BMP2K: variants seen among roughly 807,000 people sequenced by gnomAD.
BMP2K encodes the protein BMP2 inducible kinase.
A neutral mutation model predicts 116.0 loss-of-function variants in BMP2K; 74 were observed. The ratio of observed to expected loss-of-function variants is 0.64; its 90% CI spans 0.53 to 0.77. The LOEUF is 0.77. Among genes scored for constraint, BMP2K ranks in the 30% least tolerant of loss-of-function variants. The pLI is 0.00. For synonymous variants in BMP2K, 486 were observed against 502.5 expected, an observed-to-expected ratio of 0.97 and a Z score of 0.44; for missense variants, 1,365 against 1,403.6, an observed-to-expected ratio of 0.97 and a Z score of 0.44.
At chr4:78,789,596 A>T (rs1235900526) in intron 1 of BMP2K, among the ~76,000 whole-genome samples, 2 of 152,146 alleles carry the variant, frequency 1.3e-5, no homozygotes, top group African/African-American at 4.8e-5. Context: ...TTGAATTTCA[A>T]AGTTAAAGCT....
chr4:78,800,409 ACT>A (rs1394668482), intron 1 of BMP2K, among the ~76,000 whole-genome samples: 1 of 152,134 alleles, frequency 6.6e-6, no homozygotes, highest in African/African-American at 2.4e-5. Context: ...CATATGGCAC[ACT>A]CTCTATCTTC....
At chr4:78,842,834 A>C (rs1730824169) in intron 4 of BMP2K, among the ~76,000 whole-genome samples, 1 of 151,980 alleles carries the variant, frequency 6.6e-6, no homozygotes, top group African/African-American at 2.4e-5. Flanking sequence ...CATATGTTAA[A>C]TGTCTCTCCA....
intron 15 of BMP2K, among the ~76,000 whole-genome samples, chr4:78,888,331 A>G (rs1317946044): frequency 6.6e-6 from 1 of 152,190 alleles, no homozygotes; most frequent in African/African-American, 2.4e-5. Flanking sequence ...TTCTGCATAA[A>G]TGTGTTCCCT....
rs1411481964 is a variant in BMP2K at position 78,778,168 on chromosome 4, T to TA, written c.178+1448dup. Among the ~76,000 whole-genome samples, 4 of 152,216 alleles carry TA rather than the reference T, an allele frequency of 2.6e-5. No homozygotes were observed. The East Asian group carries it at 7.7e-4, about 29-fold the overall frequency. ...AATTGAAATGTAGCTTGAGTAGTGT[T>TA]ACACTCACTCATTCCACTAAATCCC... On this transcript the variant is annotated intron_variant, in intron 1 of 15. Transcript: ENST00000502613.
At chr4:78,839,406 A>G (rs764908517) in intron 3 of BMP2K, among the ~76,000 whole-genome samples, 1 of 152,186 alleles carries the variant, frequency 6.6e-6, no homozygotes, top group Non-Finnish European at 1.5e-5. Flanking sequence ...CTGTTGGCCA[A>G]AGAAAATCAC....
At chr4:78,820,336 T>A (rs931313795) in intron 1 of BMP2K, among the ~76,000 whole-genome samples, 1 of 152,188 alleles carries the variant, frequency 6.6e-6, no homozygotes, top group Non-Finnish European at 1.5e-5. Context: ...TGGTAACTTT[T>A]AGGGTTTTCT....
intron 13 of BMP2K, among the ~76,000 whole-genome samples, chr4:78,873,680 G>C (rs948538551): frequency 1.7e-4 from 22 of 132,706 alleles, no homozygotes; most frequent in African/African-American, 8.9e-4. Context: ...GTGTGTGTGT[G>C]TGTGTGTGTG....
intron 13 of BMP2K, among the ~76,000 whole-genome samples, chr4:78,873,690 G>A (rs1732487917): frequency 2.0e-5 from 3 of 147,004 alleles, no homozygotes; most frequent in South Asian, 4.2e-4. Context: ...GTGTGTGTGT[G>A]TGTGTGTGTG....
intron 15 of BMP2K, among the ~76,000 whole-genome samples, chr4:78,887,622 T>C (rs1733168727): frequency 6.6e-6 from 1 of 152,210 alleles, no homozygotes; most frequent in African/African-American, 2.4e-5. Flanking sequence ...TTGTACATGC[T>C]CTCTTGTAGA....
chr4:78,905,485 G>A (rs1734238783), intron 15 of BMP2K, among the ~76,000 whole-genome samples: 2 of 151,894 alleles, frequency 1.3e-5, no homozygotes, highest in African/African-American at 4.8e-5. Context: ...ATGTAAATGA[G>A]TTATGATTCT....
chr4:78,797,306 GA>G (rs1348607522), intron 1 of BMP2K, among the ~76,000 whole-genome samples: 2 of 151,960 alleles, frequency 1.3e-5, no homozygotes, highest in Admixed American at 1.3e-4. Flanking sequence ...TAAAAGAAAG[GA>G]AAAAAACTTA....
At chr4:78,828,269 T>C (rs1729974661) in intron 2 of BMP2K, among the ~76,000 whole-genome samples, 1 of 152,182 alleles carries the variant, frequency 6.6e-6, no homozygotes, top group Admixed American at 6.5e-5. Flanking sequence ...ACACTTATGG[T>C]TAGTGGCATA....
chr4:78,887,006 A>C, intron 14 of BMP2K, 168 bp from the exon 15 acceptor site: 1 of 522,252 alleles, frequency 1.9e-6, no homozygotes, highest in South Asian at 3.0e-5. Context: ...ATATGTATTA[A>C]ATTCAGGACT....
intron 1 of BMP2K, among the ~76,000 whole-genome samples, chr4:78,795,597 A>G (rs943750471): frequency 6.6e-6 from 1 of 152,194 alleles, no homozygotes; most frequent in Non-Finnish European, 1.5e-5. Context: ...CAGAGTGAAC[A>G]GACAACCTAC....
chr4:78,806,123 A>T (rs951059894), intron 1 of BMP2K, among the ~76,000 whole-genome samples: 25 of 151,704 alleles, frequency 1.6e-4, no homozygotes, highest in Non-Finnish European at 3.1e-4. Context: ...GAACTTGTTT[A>T]TTAGCTCTGA....
intron 4 of BMP2K, 27 bp from the exon 5 acceptor site, chr4:78,844,901 A>T: frequency 6.5e-7 from 1 of 1,548,584 alleles, no homozygotes; most frequent in Non-Finnish European, 8.9e-7. Flanking sequence ...TGAAAATACT[A>T]CTCATTATTG....
In BMP2K at chr4:78,871,030, C is replaced by G; in HGVS notation, c.1479C>G (p.His493Gln). The G allele has an allele frequency of 6.2e-7, 1 of 1,606,944 alleles. No individual in the cohort carries two copies. The highest frequency in any genetic ancestry group is 8.5e-7 in the Non-Finnish European group (1 of 1,179,878). Residue 493 changes from histidine (H) to glutamine (Q), a missense_variant, in exon 11 of 16, where the codon CAC (histidine) becomes CAG (glutamine). His to Gln is a conservative substitution (Grantham distance 24). Transcript: ENST00000502613. ...QQQQHHHHHH[H>Q]HLLQDAYMQQ... ...AGCAGCACCACCACCACCACCACCACCACCTACTTCAAGATGCTTATATGC... is the reference window on the plus strand; with the variant it reads ...AGCAGCACCACCACCACCACCACCAGCACCTACTTCAAGATGCTTATATGC...
chr4:78,784,356 A>G (rs1727640157), intron 1 of BMP2K, among the ~76,000 whole-genome samples: 1 of 152,062 alleles, frequency 6.6e-6, no homozygotes, highest in South Asian at 2.1e-4. Context: ...GGGACTGTTT[A>G]TTCCTTTGTT....
rs751710131 is a variant in BMP2K, at chr4:78,911,843, T to C, written c.3296T>C (p.Leu1099Pro). 3 of 1,613,876 alleles carry C rather than the reference T, an allele frequency of 1.9e-6. No homozygotes were observed. Among genetic ancestry groups the C allele is most frequent in the Non-Finnish European group, 1.7e-6 (2 of 1,179,882 alleles). ...SDIRADHNTV[L>P]PGRPRQNSLH... The stretch of plus-strand genomic sequence containing the variant: ...ATCCGTGCTGATCACAATACTGTCC[T>C]GCCAGGGCGGCCAAGACAAAATTCA... The change falls in exon 16 of 16, where the codon CTG becomes CCG. Residue 1099 changes from leucine (L) to proline (P), a missense_variant. Transcript: ENST00000502613.
Sources: gnomAD v4.1 joint callset for allele counts (sites outside exome capture counted in the v4.1 genomes callset) on GRCh38, gnomAD v4.1.1 for gene constraint, MANE v1.5 for transcripts, NCBI Gene and HGNC (gene_info 2026-07-23, HGNC 2026-07-21) for gene names.